NAV3: variants seen among roughly 807,000 people sequenced by gnomAD.
The protein encoded by NAV3 is neuron navigator 3.
NAV3 carries 87 observed loss-of-function variants against 244.7 expected under a neutral mutation model. That is an observed-to-expected ratio of 0.36 (90% CI 0.30 to 0.42). The LOEUF (loss-of-function observed/expected upper bound fraction) is 0.42, where lower values mean the gene tolerates loss of function less well. Ranked by LOEUF, NAV3 falls within the 20% of genes least tolerant of loss-of-function variation. The probability of loss-of-function intolerance (pLI) is 1.00; values close to 1 mark genes in which losing one functional copy is unlikely to be tolerated. For synonymous variants in NAV3, 1,126 were observed against 1,042.2 expected (o/e 1.08, Z -1.55); for missense variants, 2,663 against 2,893.3 (o/e 0.92, Z 1.83).
intron 2 of NAV3, among the ~76,000 whole-genome samples, chr12:77,599,325 T>C (rs76053034): frequency 0.16 from 24,610 of 152,014 alleles, 2,615 homozygotes; most frequent in Non-Finnish European, 0.23. Context: ...GGAGGAAATT[T>C]AGTAGACTTT....
chr12:77,694,807 C>G (rs1474391647), intron 2 of NAV3, among the ~76,000 whole-genome samples: 3 of 152,126 alleles, frequency 2.0e-5, no homozygotes, highest in African/African-American at 7.2e-5. Flanking sequence ...GCAAATCTAC[C>G]TTTCTAGGCT....
At chr12:77,880,139 C>T (rs1490092276) in intron 1 of NAV3, among the ~76,000 whole-genome samples, 1 of 152,132 alleles carries the variant, frequency 6.6e-6, no homozygotes, top group Non-Finnish European at 1.5e-5. Context: ...CAAGCCTTCT[C>T]AGCTTCCAAA....
At chr12:77,833,497 A>T (rs968954975) in intron 1 of NAV3, among the ~76,000 whole-genome samples, 3 of 152,168 alleles carry the variant, frequency 2.0e-5, no homozygotes, top group Admixed American at 1.3e-4. Flanking sequence ...CTCTAGAGGG[A>T]TCATGCAGAT....
At chr12:77,776,838 C>T (rs1852440) in intron 2 of NAV3, among the ~76,000 whole-genome samples, 2 of 152,062 alleles carry the variant, frequency 1.3e-5, no homozygotes, top group African/African-American at 4.8e-5. Flanking sequence ...AAAATTAGCC[C>T]GGTCTGGTGG....
At chr12:77,871,921 T>C (rs770149) in intron 1 of NAV3, among the ~76,000 whole-genome samples, 98,336 of 151,976 alleles carry the variant, frequency 0.65, 32,327 homozygotes, top group South Asian at 0.81. Context: ...AAAAGCATTC[T>C]TATTTCTCCA....
At chr12:78,078,556 C>T (rs905757057) in intron 12 of NAV3, among the ~76,000 whole-genome samples, 7 of 151,374 alleles carry the variant, frequency 4.6e-5, no homozygotes, top group African/African-American at 1.5e-4. Context: ...CCACTACGCC[C>T]GGCTAATTTT....
At chr12:77,875,655 T>A (rs942799216) in intron 1 of NAV3, among the ~76,000 whole-genome samples, 1 of 148,994 alleles carries the variant, frequency 6.7e-6, no homozygotes, top group African/African-American at 2.5e-5. Context: ...GAGATAGCAT[T>A]TTTATTGTAT....
intron 2 of NAV3, among the ~76,000 whole-genome samples, chr12:77,720,005 A>G (rs981595937): frequency 6.6e-6 from 1 of 151,646 alleles, no homozygotes; most frequent in Non-Finnish European, 1.5e-5. Flanking sequence ...TGGATTTTCT[A>G]TTTCTTTCTT....
intron 1 of NAV3, among the ~76,000 whole-genome samples, chr12:77,897,638 C>T (rs1297024665): frequency 6.6e-6 from 1 of 151,788 alleles, no homozygotes; most frequent in Non-Finnish European, 1.5e-5. Flanking sequence ...ACTTATTTCT[C>T]CATGAGTTGT....
intron 1 of NAV3, among the ~76,000 whole-genome samples, chr12:77,872,676 C>G (rs541572296): frequency 6.6e-6 from 1 of 152,280 alleles, no homozygotes; most frequent in African/African-American, 2.4e-5. Flanking sequence ...TTTGGCATCA[C>G]ATTATTTTAT....
chr12:77,582,429 G>A (rs1038332286), intron 2 of NAV3, among the ~76,000 whole-genome samples: 9 of 152,112 alleles, frequency 5.9e-5, no homozygotes, highest in East Asian at 3.9e-4. Flanking sequence ...ACATTAAACC[G>A]GTTTGATCAT....
intron 22 of NAV3, among the ~76,000 whole-genome samples, chr12:78,149,812 AGACC>A (rs1957003802): frequency 2.6e-5 from 4 of 152,044 alleles, no homozygotes; most frequent in African/African-American, 9.7e-5. Context: ...GAGCAGGTGC[AGACC>A]CACAGTGTAA....
intron 1 of NAV3, among the ~76,000 whole-genome samples, chr12:77,939,281 G>A (rs901809813): frequency 6.6e-6 from 1 of 151,834 alleles, no homozygotes; most frequent in African/African-American, 2.4e-5. Context: ...TTTGCCTGTC[G>A]GCTTTTCTAT....
chr12:77,741,227 A>G (rs1343020229), intron 2 of NAV3, among the ~76,000 whole-genome samples: 2 of 151,172 alleles, frequency 1.3e-5, no homozygotes, highest in Non-Finnish European at 3.0e-5. Context: ...AAGCGGGGGG[A>G]AGGAGAAACC....
chr12:78,083,840 G>A (rs1953487704), intron 12 of NAV3, among the ~76,000 whole-genome samples: 1 of 152,120 alleles, frequency 6.6e-6, no homozygotes. Flanking sequence ...AATACTTGCT[G>A]AGTTGTCATA....
intron 2 of NAV3, among the ~76,000 whole-genome samples, chr12:77,770,809 C>A (rs1295041027): frequency 6.6e-6 from 1 of 152,120 alleles, no homozygotes; most frequent in Non-Finnish European, 1.5e-5. Context: ...CCATAAAACC[C>A]CTAGAAGAAA....
chr12:78,197,143 A>C (rs1959187080), intron 34 of NAV3, 104 bp from the exon 35 acceptor site: 1 of 819,124 alleles, frequency 1.2e-6, no homozygotes, highest in East Asian at 3.2e-5. Flanking sequence ...ACTTTAATGA[A>C]AGAAACGGAA....
chr12:77,816,444 ACT>A (rs1872530825), intron 2 of NAV3, among the ~76,000 whole-genome samples: 1 of 152,044 alleles, frequency 6.6e-6, no homozygotes, highest in South Asian at 2.1e-4. Context: ...AAGTCATTTG[ACT>A]CTCTTTCCTT....
intron 2 of NAV3, among the ~76,000 whole-genome samples, chr12:77,729,989 G>T (rs1278859844): frequency 1.3e-5 from 2 of 151,868 alleles, no homozygotes; most frequent in African/African-American, 4.8e-5. Flanking sequence ...GGGAATGAGG[G>T]GTATAGAATT....
Sources: gnomAD v4.1 joint callset for allele counts (sites outside exome capture counted in the v4.1 genomes callset) on GRCh38, gnomAD v4.1.1 for gene constraint, MANE v1.5 for transcripts, NCBI Gene and HGNC (gene_info 2026-07-23, HGNC 2026-07-21) for gene names.